Variants in SLFN12 observed in about 807,000 individuals in gnomAD.
SLFN12 encodes the protein ribonuclease SLFN12.
SLFN12 carries 25 observed loss-of-function variants against 29.1 expected under a neutral mutation model. The observed-to-expected ratio is 0.86, with a 90% CI of 0.63 to 1.20. SLFN12 has a LOEUF of 1.20. SLFN12 is among the 50% of genes most tolerant of loss of function. SLFN12 has a pLI of 0.00. For missense variants in SLFN12, 660 were observed against 666.2 expected, an observed-to-expected ratio of 0.99 and a Z score of 0.10; for synonymous variants, 257 against 238.7, an observed-to-expected ratio of 1.08 and a Z score of -0.71.
intron 1 of SLFN12, among the ~76,000 whole-genome samples, chr17:35,428,013 A>G (rs1049080257): frequency 6.6e-6 from 1 of 152,102 alleles, no homozygotes; most frequent in African/African-American, 2.4e-5. Context: ...GAAGGGGAAA[A>G]ATTATGTAAG....
rs762705731 is a variant in SLFN12 at position 35,422,949 on chromosome 17, C to G, written c.80G>C (p.Ser27Thr). 2 of 1,613,816 alleles carry G rather than the reference C, an allele frequency of 1.2e-6. No individual in the cohort carries two copies. Among genetic ancestry groups the G allele is most frequent in the Non-Finnish European group, 1.7e-6 (2 of 1,179,964 alleles). ...TTTACAATCCTTCATTTTTTTCCTA[C>G]TGTTCTCTCCAAGAGTGACTCTTCC... ...DVGRVTLGEN[S>T]RKKMKDCKLR... Residue 27 changes from serine (S) to threonine (T), a missense_variant, in exon 2 of 4, where the codon AGT becomes ACT. Physicochemically the swap from Ser to Thr is moderately conservative, Grantham distance 58. Transcript: ENST00000304905.
chr17:35,415,664 G>GA lies in SLFN12; in HGVS notation c.1148-3738dup, dbSNP rs1238966116. On this transcript the variant is annotated intron_variant, in intron 3 of 3. Transcript: ENST00000304905. The stretch of plus-strand genomic sequence containing the variant: ...ATGAGGAACTCAAACAAATCAGCAA[G>GA]AAAAAAACAAAGAATCCCATCAAAA... 4.0e-5 allele frequency among the ~76,000 whole-genome samples: 6 copies of GA among 151,758 alleles called. No individual in the cohort carries two copies. The East Asian group carries it at 9.7e-4, about 24-fold the overall frequency.
intron 3 of SLFN12, among the ~76,000 whole-genome samples, chr17:35,413,749 C>CAAAAAA (rs11362952): frequency 1.3e-5 from 1 of 78,420 alleles, no homozygotes; most frequent in Non-Finnish European, 3.0e-5. Context: ...AACCATGTCT[C>CAAAAAA]AAAAAAAAAA....
chr17:35,422,701 A>G lies in SLFN12; in HGVS notation c.328T>C (p.Trp110Arg), dbSNP rs375349836. The change falls in exon 2 of 4, where the codon TGG becomes CGG. Residue 110 changes from tryptophan (W) to arginine (R), a missense_variant. Transcript: ENST00000304905. ...CGCAGACCAGAGGTGTTCAAGCTCC[A>G]TGACTTCACAAAAATCAGAAAGTAG... ...GNYFLIFVKSWSLNTSGLRIT... is the reference protein window; with the variant it reads ...GNYFLIFVKSRSLNTSGLRIT... 5.0e-6 allele frequency: 8 copies of G among 1,614,132 alleles called. No homozygotes were observed. The highest frequency in any genetic ancestry group is 4.5e-5 in the East Asian group (2 of 44,890).
chr17:35,416,660 A>G (rs770930861), intron 3 of SLFN12, among the ~76,000 whole-genome samples: 7 of 152,194 alleles, frequency 4.6e-5, no homozygotes, highest in Non-Finnish European at 8.8e-5. Flanking sequence ...AAGTCAGACT[A>G]ATACTGAGAT....
chr17:35,421,825 C>A (rs904339961), intron 2 of SLFN12, among the ~76,000 whole-genome samples, 165 bp downstream of exon 2: 5 of 151,588 alleles, frequency 3.3e-5, no homozygotes, highest in South Asian at 2.1e-4. Context: ...CAGACGTGAG[C>A]CACCGCGCCT....
chr17:35,429,534 T>C (rs984419485), intron 1 of SLFN12, among the ~76,000 whole-genome samples: 21 of 152,066 alleles, frequency 1.4e-4, no homozygotes, highest in African/African-American at 4.3e-4. Context: ...CTTTTGACTA[T>C]AGGGGAAATT....
chr17:35,418,551 GT>G (rs1384458220), intron 3 of SLFN12, among the ~76,000 whole-genome samples: 1 of 150,666 alleles, frequency 6.6e-6, no homozygotes, highest in Non-Finnish European at 1.5e-5. Context: ...GATACTTATT[GT>G]AAGAATATAG....
chr17:35,420,500 A>G (rs529541012), intron 2 of SLFN12, 119 bp from the exon 3 acceptor site: 19 of 633,504 alleles, frequency 3.0e-5, no homozygotes, highest in Middle Eastern at 4.2e-4. Context: ...AAAAAAAATT[A>G]ATGTTAGATA....
chr17:35,412,538 G>A (rs1369113493), intron 3 of SLFN12, among the ~76,000 whole-genome samples: 1 of 152,026 alleles, frequency 6.6e-6, no homozygotes, highest in Non-Finnish European at 1.5e-5. Flanking sequence ...AGTAGTAACG[G>A]CAAAATTAAA....
intron 1 of SLFN12, among the ~76,000 whole-genome samples, chr17:35,431,047 T>C (rs1458137830): frequency 6.6e-6 from 1 of 152,108 alleles, no homozygotes; most frequent in Non-Finnish European, 1.5e-5. Context: ...CTGGTGAAAA[T>C]ACACTGTAGC....
In SLFN12 at chr17:35,421,750, AG is replaced by A. The variant is rs570698287; in HGVS notation, c.1039+239del. Among the ~76,000 whole-genome samples the A allele has an allele frequency of 3.0e-4, 45 of 151,952 alleles. No homozygotes were observed. The East Asian group carries it at 5.4e-3, about 18-fold the overall frequency. ...GAGACGGGGTTTCACCATCTTAGCC[AG>A]GGATGGTCTCTATCTCCTGACCTCG... On this transcript the variant is annotated intron_variant, in intron 2 of 3. Coordinates refer to ENST00000304905, the MANE Select transcript of SLFN12 (RefSeq NM_018042.5).
intron 3 of SLFN12, among the ~76,000 whole-genome samples, chr17:35,416,128 G>C (rs1196547156): frequency 6.6e-6 from 1 of 152,072 alleles, no homozygotes; most frequent in African/African-American, 2.4e-5. Context: ...CCATCAAGTG[G>C]ATAAAGAAAA....
In SLFN12 at chr17:35,411,931, A is replaced by C; in HGVS notation, c.1148-4T>G. The C allele has an allele frequency of 6.5e-7, 1 of 1,535,450 alleles. No homozygotes were observed. The highest frequency in any genetic ancestry group is 1.3e-5 in the South Asian group (1 of 79,042). On this transcript the variant is annotated splice_region_variant and splice_polypyrimidine_tract_variant and intron_variant, in intron 3 of 3. Coordinates refer to ENST00000304905, the MANE Select transcript of SLFN12 (RefSeq NM_018042.5). ...TACGTTATCCTTCCTGATAGCCCTG[A>C]ATAAGGAAATAATAATAATAAATTA...
intron 2 of SLFN12, 59 bp from the exon 3 acceptor site, chr17:35,420,440 T>C (rs1011820470): frequency 1.0e-4 from 106 of 1,027,316 alleles, no homozygotes; most frequent in Non-Finnish European, 1.4e-4. Context: ...AACTAACTAA[T>C]GCATAGTATT....
Position 35,411,439 on chromosome 17 carries a change from C to G in SLFN12, c.1636G>C (p.Asp546His), listed in dbSNP as rs774784592. The G allele has an allele frequency of 9.3e-6, 15 of 1,612,648 alleles. 1 individual carries two copies. In the South Asian group the frequency reaches 1.4e-4, roughly 15 times the overall value. The part of the protein sequence containing the change: ...KALKRLKSLR[D>H]QFSFAENLYQ... ...AGATTTTCTGCAAAGGAAAACTGGT[C>G]TCTCAGAGACTTGAGTCTCTTTAAG... is the stretch of plus-strand genomic sequence containing the variant. The change falls in exon 4 of 4, where the codon GAC (aspartate) becomes CAC (histidine). Residue 546 changes from aspartate to histidine, a missense_variant. Coordinates refer to ENST00000304905, the MANE Select transcript of SLFN12 (RefSeq NM_018042.5).
chr17:35,414,036 T>A (rs914203601), intron 3 of SLFN12, among the ~76,000 whole-genome samples: 2 of 152,092 alleles, frequency 1.3e-5, no homozygotes, highest in African/African-American at 4.8e-5. Flanking sequence ...CCATGCTCAA[T>A]GGTGAAACAT....
At position 35,422,148 on chromosome 17, in the gene SLFN12, T is replaced by A; in HGVS notation, c.881A>T (p.Asp294Val). 1 of 1,614,124 alleles carries A rather than the reference T, an allele frequency of 6.2e-7. No homozygotes were observed. ...GACATATCCACAAAGACTTCCTTTA[T>A]CATATACTCCAAGGAATTTGCATGA... ...NYSCKFLGVY[D>V]KGSLCGYVCA... The change falls in exon 2 of 4, where the codon GAT becomes GTT. Residue 294 changes from aspartate (D) to valine (V), a missense_variant. Coordinates refer to ENST00000304905, the MANE Select transcript of SLFN12 (RefSeq NM_018042.5).
chr17:35,413,417 A>G (rs1911142650), intron 3 of SLFN12, among the ~76,000 whole-genome samples: 1 of 152,142 alleles, frequency 6.6e-6, no homozygotes, highest in African/African-American at 2.4e-5. Flanking sequence ...AAAAATTCTC[A>G]ACAAAATGCT....
Sources: allele counts gnomAD v4.1 joint callset (sites outside exome capture counted in the v4.1 genomes callset), GRCh38; gene constraint gnomAD v4.1.1; transcripts MANE v1.5; gene names NCBI Gene and HGNC (gene_info 2026-07-23, HGNC 2026-07-21).